The following RPA1 variants were observed in gnomAD, a reference collection of about 807,000 sequenced individuals.
RPA1 encodes the protein replication protein A1.
RPA1 carries 49 observed loss-of-function variants against 83.0 expected under a neutral mutation model. That is an observed-to-expected ratio of 0.59 (90% CI 0.47 to 0.75). The LOEUF is 0.75. Among genes scored for constraint, RPA1 ranks in the 30% least tolerant of loss-of-function variants. The pLI, the probability that RPA1 is intolerant of heterozygous loss-of-function variation, is 0.00. For synonymous variants in RPA1, 279 were observed against 281.8 expected (o/e 0.99, Z 0.10); for missense variants, 693 against 776.1 (o/e 0.89, Z 1.27).
chr17:1,878,402 AT>A (rs1037522150), intron 8 of RPA1, among the ~76,000 whole-genome samples: 2 of 151,756 alleles, frequency 1.3e-5, no homozygotes, highest in East Asian at 3.9e-4. Context: ...TTAGAACCTA[AT>A]TTTTTTTTAG....
At chr17:1,831,782 G>A (rs1263703458) in intron 1 of RPA1, among the ~76,000 whole-genome samples, 1 of 150,798 alleles carries the variant, frequency 6.6e-6, no homozygotes, top group African/African-American at 2.4e-5. Context: ...GTATTTTTTA[G>A]TAGAGACGGG....
Position 1,884,808 on chromosome 17 carries a change from C to T in RPA1, c.1374+864C>T, listed in dbSNP as rs911575038. 2.6e-5 allele frequency among the ~76,000 whole-genome samples: 4 copies of T among 152,132 alleles called. No individual in the cohort carries two copies. Among genetic ancestry groups the T allele is most frequent in the African/African-American group, 7.2e-5 (3 of 41,402 alleles). Reference sequence around the variant, plus strand: ...GGTGGATTACATGAGCCCAGGAGTTCGACTGAGCAACATGGAAGACCCCTT... The same window carrying T: ...GGTGGATTACATGAGCCCAGGAGTTTGACTGAGCAACATGGAAGACCCCTT... On this transcript the variant is annotated intron_variant, in intron 13 of 16. Transcript: ENST00000254719. This position sits in a 1 kb window ranked among gnomAD's most constrained non-coding sequence, Gnocchi z 4.1.
intron 12 of RPA1, among the ~76,000 whole-genome samples, chr17:1,882,410 C>G (rs1913829507): frequency 6.6e-6 from 1 of 152,084 alleles, no homozygotes; most frequent in Non-Finnish European, 1.5e-5. Context: ...AATTCCAGCA[C>G]TTTGGGAGGC....
At chr17:1,839,224 CTA>C (rs1424909496) in intron 1 of RPA1, among the ~76,000 whole-genome samples, 1 of 152,156 alleles carries the variant, frequency 6.6e-6, no homozygotes, top group African/African-American at 2.4e-5. Flanking sequence ...CAATTGATTT[CTA>C]TGTTGGTGCT....
At chr17:1,888,567 G>A (rs2151290762) in intron 13 of RPA1, 108 bp from the exon 14 acceptor site, 1 of 1,044,422 alleles carries the variant, frequency 9.6e-7, no homozygotes, top group Non-Finnish European at 1.4e-6. Flanking sequence ...TCTTGAGGAT[G>A]TAGAAACACT....
At chr17:1,839,475 G>A (rs1204252499) in intron 1 of RPA1, among the ~76,000 whole-genome samples, 4 of 151,786 alleles carry the variant, frequency 2.6e-5, no homozygotes, top group South Asian at 2.1e-4. Flanking sequence ...ACAGGTGCCC[G>A]CCACCACACC....
At chr17:1,872,642 G>A in intron 6 of RPA1, 116 bp downstream of exon 6, 1 of 1,354,618 alleles carries the variant, frequency 7.4e-7, no homozygotes, top group Non-Finnish European at 1.0e-6. Context: ...ACAGGGTTGT[G>A]TCTTGGAAAG....
chr17:1,888,450 C>A (rs1914075006), intron 13 of RPA1, among the ~76,000 whole-genome samples: 1 of 152,210 alleles, frequency 6.6e-6, no homozygotes. Flanking sequence ...TTATCTGCCT[C>A]AGAACTTGGC....
intron 5 of RPA1, among the ~76,000 whole-genome samples, chr17:1,867,844 C>T (rs148988554): frequency 1.5e-4 from 23 of 151,302 alleles, no homozygotes; most frequent in African/African-American, 5.1e-4. Flanking sequence ...TTTGGGAGGT[C>T]GAGGCAGGAG....
intron 5 of RPA1, among the ~76,000 whole-genome samples, chr17:1,863,037 A>G (rs1913044976): frequency 6.7e-6 from 1 of 148,362 alleles, no homozygotes; most frequent in African/African-American, 2.5e-5. Context: ...TTATTTAGTT[A>G]TTTGGAGACA....
intron 6 of RPA1, among the ~76,000 whole-genome samples, chr17:1,874,028 T>TACACACACACACAC (rs1270241119): frequency 9.7e-6 from 1 of 102,616 alleles, no homozygotes; most frequent in African/African-American, 4.7e-5. Flanking sequence ...TATATATATA[T>TACACACACACACAC]ATATACACAC....
chr17:1,845,631 A>G (rs1366962732), intron 4 of RPA1, among the ~76,000 whole-genome samples: 1 of 152,244 alleles, frequency 6.6e-6, no homozygotes, highest in Admixed American at 6.5e-5. Context: ...TCTCATTGCT[A>G]AAACATGACT....
chr17:1,869,696 GTC>G (rs1913309346), intron 5 of RPA1, among the ~76,000 whole-genome samples: 1 of 152,014 alleles, frequency 6.6e-6, no homozygotes, highest in African/African-American at 2.4e-5. Flanking sequence ...CAGAAGTTAA[GTC>G]TCTGCATTAC....
chr17:1,846,474 C>T (rs749407613), intron 4 of RPA1, among the ~76,000 whole-genome samples: 1 of 151,820 alleles, frequency 6.6e-6, no homozygotes, highest in Non-Finnish European at 1.5e-5. Context: ...CCCACCACCA[C>T]GCCTGGCTAA....
chr17:1,875,796 G>GAGTT lies in RPA1; in HGVS notation c.587+4_587+7dup. ...AGCCTCACTCCTTACCAGTCCAAGT[G>GAGTT]AGTTGTTGCATAGAGTAAGTTCAGA... On this transcript the variant is annotated splice_donor_region_variant and intron_variant, in intron 7 of 16. Coordinates refer to ENST00000254719, the MANE Select transcript of RPA1 (RefSeq NM_002945.5). 6.2e-7 allele frequency: 1 copy of GAGTT among 1,612,588 alleles called. No homozygotes were observed. Among genetic ancestry groups the GAGTT allele is most frequent in the Non-Finnish European group, 8.5e-7 (1 of 1,179,492 alleles).
Position 1,874,007 on chromosome 17 carries a change from AAAAAAAT to A in RPA1, c.454+1483_454+1489del, listed in dbSNP as rs1272101941. Reference sequence around the variant, plus strand: ...GACTCTGTCTCAAAAAAAAAAAAAAAAAAAAATATATATATATATATATATACACACA... The same window carrying A: ...GACTCTGTCTCAAAAAAAAAAAAAAAATATATATATATATATATACACACA... On this transcript the variant is annotated intron_variant, in intron 6 of 16. Transcript: ENST00000254719. Among the ~76,000 whole-genome samples, 53 of 101,980 alleles carry A rather than the reference AAAAAAAT, an allele frequency of 5.2e-4. 1 individual carries two copies. The highest frequency in any genetic ancestry group is 2.3e-3 in the African/African-American group (48 of 20,818). 66.9% of individuals were successfully genotyped at this position (101,980 alleles called of 152,430 possible).
rs1032618033 is a variant in RPA1 at position 1,884,535 on chromosome 17, C to G, written c.1374+591C>G. On this transcript the variant is annotated intron_variant, in intron 13 of 16. Coordinates refer to ENST00000254719, the MANE Select transcript of RPA1 (RefSeq NM_002945.5). This position sits in a 1 kb window ranked among gnomAD's most constrained non-coding sequence, Gnocchi z 4.1. Reference sequence around the variant, plus strand: ...TTGATCTAAGCCTGTGTTCTGCCAGCAGTTTAGTATTTAGATCATTTATTT... The same window carrying G: ...TTGATCTAAGCCTGTGTTCTGCCAGGAGTTTAGTATTTAGATCATTTATTT... Among the ~76,000 whole-genome samples the G allele has an allele frequency of 1.3e-5, 2 of 152,178 alleles. No individual in the cohort carries two copies. The highest frequency in any genetic ancestry group is 4.8e-5 in the African/African-American group (2 of 41,434).
intron 15 of RPA1, among the ~76,000 whole-genome samples, chr17:1,894,701 G>A (rs1269661772): frequency 6.6e-6 from 1 of 152,184 alleles, no homozygotes; most frequent in Non-Finnish European, 1.5e-5. Flanking sequence ...AGGGGAGAAT[G>A]GAGACACACT....
chr17:1,843,911 CT>C lies in RPA1; in HGVS notation c.85-8del, dbSNP rs1567803002. 2 of 1,612,754 alleles carry C rather than the reference CT, an allele frequency of 1.2e-6. No individual in the cohort carries two copies. The highest frequency in any genetic ancestry group is 2.2e-5 in the East Asian group (1 of 44,800). Reference sequence around the variant, plus strand: ...CAACCTGGCTAATGAATCAAGTTTTCTGTCCTAGAACATCCGTCCCATTACT... The same window carrying C: ...CAACCTGGCTAATGAATCAAGTTTTCGTCCTAGAACATCCGTCCCATTACT... On this transcript the variant is annotated splice_polypyrimidine_tract_variant and splice_region_variant and intron_variant, in intron 2 of 16. Coordinates refer to ENST00000254719, the MANE Select transcript of RPA1 (RefSeq NM_002945.5).
Sources: gnomAD v4.1 joint callset for allele counts (sites outside exome capture counted in the v4.1 genomes callset) on GRCh38, gnomAD v4.1.1 for gene constraint, Gnocchi (gnomAD v3.1) non-coding constraint, MANE v1.5 for transcripts, NCBI Gene and HGNC (gene_info 2026-07-23, HGNC 2026-07-21) for gene names.